Variants in CSMD1 observed in about 807,000 individuals in gnomAD.
CSMD1 encodes CUB and sushi domain-containing protein 1.
CSMD1 carries 213 observed loss-of-function variants against 417.5 expected under a neutral mutation model. The observed-to-expected ratio is 0.51, with a 90% CI of 0.46 to 0.57. The LOEUF (loss-of-function observed/expected upper bound fraction) is 0.57. CSMD1 is among the 20% of genes least tolerant of loss of function. The probability of loss-of-function intolerance (pLI) is 0.00; values close to 1 mark genes in which losing one functional copy is unlikely to be tolerated. For missense variants in CSMD1, 6,923 were observed against 4,529.7 expected (o/e 1.53, Z -15.17); for synonymous variants, 2,862 against 1,736.8 (o/e 1.65, Z -16.11).
chr8:3,083,788 C>T (rs1275432707), intron 49 of CSMD1, among the ~76,000 whole-genome samples: 6 of 149,222 alleles, frequency 4.0e-5, no homozygotes, highest in Non-Finnish European at 3.0e-5. Context: ...GCCTCCCAAG[C>T]AGCTGGGACT....
At chr8:3,254,926 C>G (rs1364928447) in intron 26 of CSMD1, among the ~76,000 whole-genome samples, 1 of 152,156 alleles carries the variant, frequency 6.6e-6, no homozygotes, top group Non-Finnish European at 1.5e-5. Context: ...AGCTGATTTC[C>G]TTTGGAGGAG....
At chr8:3,900,019 A>G (rs1421217594) in intron 5 of CSMD1, among the ~76,000 whole-genome samples, 2 of 152,224 alleles carry the variant, frequency 1.3e-5, no homozygotes, top group Non-Finnish European at 2.9e-5. Context: ...GCTGGGTGAC[A>G]CTAGCTAGGT....
chr8:3,424,348 T>C (rs1813686370), intron 12 of CSMD1, among the ~76,000 whole-genome samples: 1 of 152,220 alleles, frequency 6.6e-6, no homozygotes, highest in South Asian at 2.1e-4. Flanking sequence ...ATTAGCAAAC[T>C]TGGGAAGCTA....
At chr8:4,577,242 T>C (rs1005989013) in intron 2 of CSMD1, among the ~76,000 whole-genome samples, 4 of 152,074 alleles carry the variant, frequency 2.6e-5, no homozygotes, top group African/African-American at 9.7e-5. Flanking sequence ...AGGAAAAAAA[T>C]TCACTTAGCA....
intron 2 of CSMD1, among the ~76,000 whole-genome samples, chr8:4,532,635 A>G (rs1796888124): frequency 6.7e-6 from 1 of 148,286 alleles, no homozygotes. Context: ...ACTCTGGAAG[A>G]GAAATCCTGC....
At chr8:3,597,629 A>G (rs894489815) in intron 8 of CSMD1, among the ~76,000 whole-genome samples, 4 of 152,214 alleles carry the variant, frequency 2.6e-5, no homozygotes, top group Non-Finnish European at 5.9e-5. Flanking sequence ...TGCCCAGCAC[A>G]TATACACCAT....
chr8:3,921,494 T>A (rs1809260111), intron 5 of CSMD1, among the ~76,000 whole-genome samples: 1 of 152,144 alleles, frequency 6.6e-6, no homozygotes, highest in South Asian at 2.1e-4. Context: ...GTTGCTTATA[T>A]AAAATACTTT....
At chr8:3,063,902 T>C (rs1812753151) in intron 49 of CSMD1, among the ~76,000 whole-genome samples, 1 of 152,138 alleles carries the variant, frequency 6.6e-6, no homozygotes. Flanking sequence ...TGGACAGTGG[T>C]GATGATTATA....
intron 1 of CSMD1, among the ~76,000 whole-genome samples, chr8:4,650,380 A>T (rs925343834): frequency 8.6e-5 from 13 of 151,774 alleles, no homozygotes; most frequent in Middle Eastern, 3.4e-3. Context: ...AAAATCAATG[A>T]AAACAATAGC....
chr8:4,021,869 C>A (rs984434880), intron 4 of CSMD1, among the ~76,000 whole-genome samples: 1 of 151,952 alleles, frequency 6.6e-6, no homozygotes, highest in Non-Finnish European at 1.5e-5. Flanking sequence ...ATAGTGCCAT[C>A]CCCCTCTCTA....
intron 3 of CSMD1, among the ~76,000 whole-genome samples, chr8:4,308,314 G>C (rs955347835): frequency 6.6e-6 from 1 of 151,812 alleles, no homozygotes; most frequent in African/African-American, 2.4e-5. Context: ...TGTATGTGTG[G>C]GGTGGTGTAT....
At chr8:2,991,837 G>C (rs1438473918) in intron 54 of CSMD1, among the ~76,000 whole-genome samples, 1 of 152,148 alleles carries the variant, frequency 6.6e-6, no homozygotes, top group Non-Finnish European at 1.5e-5. Flanking sequence ...AAATGGGGCT[G>C]TTTTTAATAA....
At chr8:3,954,455 C>A (rs2129912893) in intron 5 of CSMD1, among the ~76,000 whole-genome samples, 1 of 152,278 alleles carries the variant, frequency 6.6e-6, no homozygotes, top group East Asian at 1.9e-4. Context: ...CAACCTCCTC[C>A]TCCCGGGTTC....
At chr8:4,128,695 G>T (rs1396981964) in intron 3 of CSMD1, among the ~76,000 whole-genome samples, 1 of 151,744 alleles carries the variant, frequency 6.6e-6, no homozygotes, top group Non-Finnish European at 1.5e-5. Flanking sequence ...ACAACCTCAC[G>T]CCCACACACT....
chr8:3,867,971 C>T (rs978142736), intron 5 of CSMD1, among the ~76,000 whole-genome samples: 4 of 152,144 alleles, frequency 2.6e-5, no homozygotes. Context: ...GTTTATGTCA[C>T]TGTGGGAGAC....
Position 3,287,737 on chromosome 8 carries a change from G to A in CSMD1, c.3951-3391C>T, listed in dbSNP as rs540608042. On this transcript the variant is annotated intron_variant, in intron 25 of 69. Coordinates refer to ENST00000635120, the MANE Select transcript of CSMD1 (RefSeq NM_033225.6). ...TGGGGTTTTCTCCATATACAATCAC[G>A]TCATCTGCCAACAGGGACAATTTGA... Among the ~76,000 whole-genome samples the A allele has an allele frequency of 2.6e-4, 39 of 152,232 alleles. No individual in the cohort carries two copies. The South Asian group carries it at 6.0e-3, about 23-fold the overall frequency.
At chr8:3,598,411 G>C (rs1801194576) in intron 8 of CSMD1, 1 of 152,116 alleles carries the variant, frequency 6.6e-6, no homozygotes, top group Non-Finnish European at 1.5e-5. Context: ...GGAGAGAAAG[G>C]CAGGGAAAGA....
rs1800115050 is a variant in CSMD1 at position 3,796,272 on chromosome 8, T to TATATCTGTCATGTATAGATATAG, written c.819-42231_819-42230insCTATATCTATACATGACAGATAT. ...TATCTATCATGTATAGATATAGATA[T>TATATCTGTCATGTATAGATATAG]ATATCTATCATGTATAGATATATCT... On this transcript the variant is annotated intron_variant, in intron 5 of 69. Coordinates refer to ENST00000635120, the MANE Select transcript of CSMD1 (RefSeq NM_033225.6). 9.4e-5 allele frequency among the ~76,000 whole-genome samples: 3 copies of TATATCTGTCATGTATAGATATAG among 31,882 alleles called. 1 individual carries two copies. Among genetic ancestry groups the TATATCTGTCATGTATAGATATAG allele is most frequent in the Non-Finnish European group, 1.6e-4 (3 of 18,774 alleles). The allele number at this position is 31,882 out of a possible 152,430, so 20.9% of individuals were successfully genotyped here. A position where few individuals can be genotyped will look rare whatever the true frequency, so the allele number is the denominator to read the frequency against.
intron 3 of CSMD1, among the ~76,000 whole-genome samples, chr8:4,376,703 T>G (rs1411622205): frequency 1.3e-5 from 2 of 152,252 alleles, no homozygotes; most frequent in Non-Finnish European, 2.9e-5. Flanking sequence ...TTCTTTAATC[T>G]TTGCAAACTG....
Sources: allele counts gnomAD v4.1 joint callset (sites outside exome capture counted in the v4.1 genomes callset), GRCh38; gene constraint gnomAD v4.1.1; transcripts MANE v1.5; gene names NCBI Gene and HGNC (gene_info 2026-07-23, HGNC 2026-07-21).